The following GPHN variants were observed in gnomAD, a reference collection of about 807,000 sequenced individuals.
The protein encoded by GPHN is gephyrin.
In GPHN, 17 loss-of-function variants were observed where a neutral mutation model predicts 95.5. The observed-to-expected ratio is 0.18, with a 90% confidence interval of 0.12 to 0.27. The LOEUF (loss-of-function observed/expected upper bound fraction) is 0.27, where lower values mean the gene tolerates loss of function less well. Ranked by LOEUF, GPHN falls within the 10% of genes least tolerant of loss-of-function variation. The probability of loss-of-function intolerance (pLI) is 1.00; values close to 1 mark genes in which losing one functional copy is unlikely to be tolerated. For synonymous variants in GPHN, 320 were observed against 322.5 expected (o/e 0.99, Z 0.08); for missense variants, 660 against 978.1 (o/e 0.67, Z 4.34).
intron 1 of GPHN, among the ~76,000 whole-genome samples, chr14:66,568,136 A>G (rs553953106): frequency 2.6e-5 from 4 of 152,338 alleles, no homozygotes; most frequent in African/African-American, 9.6e-5. Flanking sequence ...GAGAATAACT[A>G]ATTTATTTTT....
chr14:67,094,247 A>G (rs2077258311), intron 12 of GPHN, among the ~76,000 whole-genome samples: 1 of 152,176 alleles, frequency 6.6e-6, no homozygotes, highest in South Asian at 2.1e-4. Context: ...ATATCAAATA[A>G]TATAACCAGA....
intron 13 of GPHN, among the ~76,000 whole-genome samples, chr14:67,102,076 G>C (rs1269611761): frequency 2.6e-5 from 4 of 151,726 alleles, no homozygotes; most frequent in African/African-American, 9.7e-5. Flanking sequence ...ATTTCACCAT[G>C]TTAGCCAGGA....
chr14:66,642,559 G>GGTT (rs2064477861), intron 1 of GPHN, among the ~76,000 whole-genome samples: 3 of 139,898 alleles, frequency 2.1e-5, no homozygotes, highest in Admixed American at 2.1e-4. Flanking sequence ...TTTGATTTTT[G>GGTT]TTTTTTTTTT....
At chr14:66,875,308 T>G (rs1323303279) in intron 4 of GPHN, among the ~76,000 whole-genome samples, 6 of 151,968 alleles carry the variant, frequency 3.9e-5, no homozygotes, top group Non-Finnish European at 8.8e-5. Flanking sequence ...AAAACATAGC[T>G]AATTGTAAAG....
chr14:66,772,078 T>G (rs1317609574), intron 2 of GPHN, among the ~76,000 whole-genome samples: 1 of 152,086 alleles, frequency 6.6e-6, no homozygotes, highest in East Asian at 1.9e-4. Context: ...AAATTCCACT[T>G]TTGTGAAACA....
intron 1 of GPHN, among the ~76,000 whole-genome samples, chr14:66,597,071 T>A (rs1595161863): frequency 6.6e-6 from 1 of 152,096 alleles, no homozygotes; most frequent in Admixed American, 6.5e-5. Flanking sequence ...ATGGGGAAAA[T>A]GGCAGTTATG....
At chr14:66,824,873 T>C (rs2061336547) in intron 4 of GPHN, among the ~76,000 whole-genome samples, 1 of 152,182 alleles carries the variant, frequency 6.6e-6, no homozygotes, top group Non-Finnish European at 1.5e-5. Context: ...AGAATTCTGA[T>C]GGTTAGCATG....
the GPHN span, among the ~76,000 whole-genome samples, chr14:67,280,456 C>T: frequency 1.3e-5 from 2 of 152,118 alleles, no homozygotes; most frequent in Non-Finnish European, 2.9e-5. Context: ...TCTGTTTAGC[C>T]TGTACTAAGT....
At chr14:67,221,983 C>A in the GPHN span, 1 of 697,492 alleles carries the variant, frequency 1.4e-6, no homozygotes, top group Non-Finnish European at 2.2e-6. Flanking sequence ...AACTCTTTCT[C>A]AAAGCCGATC....
At chr14:66,764,624 A>G (rs1417255498) in intron 2 of GPHN, among the ~76,000 whole-genome samples, 1 of 152,204 alleles carries the variant, frequency 6.6e-6, no homozygotes, top group Non-Finnish European at 1.5e-5. Flanking sequence ...GAGAAGTGGT[A>G]CAAACTTGAA....
the GPHN span, among the ~76,000 whole-genome samples, chr14:67,527,216 C>T: frequency 6.0e-3 from 908 of 152,322 alleles, 11 homozygotes; most frequent in African/African-American, 0.021. Context: ...GGGTTTGTGT[C>T]CTGGCTTGGC....
At chr14:66,941,666 T>G (rs769029191) in intron 8 of GPHN, among the ~76,000 whole-genome samples, 3 of 150,870 alleles carry the variant, frequency 2.0e-5, no homozygotes, top group Non-Finnish European at 2.9e-5. Context: ...AACACACCCT[T>G]CCAGTCAAAG....
intron 1 of GPHN, among the ~76,000 whole-genome samples, chr14:66,526,147 C>T (rs1333315546): frequency 6.6e-6 from 1 of 152,082 alleles, no homozygotes; most frequent in Admixed American, 6.6e-5. Flanking sequence ...TCATTGTGTC[C>T]TCTCTTATTT....
chr14:66,528,348 A>G (rs1041312964), intron 1 of GPHN, among the ~76,000 whole-genome samples: 10 of 152,146 alleles, frequency 6.6e-5, no homozygotes, highest in Admixed American at 5.2e-4. Flanking sequence ...TTTTTAGCCT[A>G]TGTGTGTCTT....
the GPHN span, among the ~76,000 whole-genome samples, chr14:67,552,665 G>C: frequency 6.6e-6 from 1 of 152,014 alleles, no homozygotes; most frequent in East Asian, 1.9e-4. Flanking sequence ...TACTCGGGAG[G>C]CTAAGGCAGG....
chr14:67,233,305 C>A, the GPHN span, among the ~76,000 whole-genome samples: 1 of 152,028 alleles, frequency 6.6e-6, no homozygotes, highest in African/African-American at 2.4e-5. Context: ...CCACGCCCGG[C>A]TAAATTTTGT....
At chr14:66,705,683 T>G (rs1371938032) in intron 2 of GPHN, among the ~76,000 whole-genome samples, 2 of 152,180 alleles carry the variant, frequency 1.3e-5, no homozygotes, top group African/African-American at 4.8e-5. Flanking sequence ...ATAAGAGCTA[T>G]TTATGACAGA....
intron 4 of GPHN, among the ~76,000 whole-genome samples, chr14:66,879,517 T>G (rs1476042128): frequency 6.6e-6 from 1 of 151,994 alleles, no homozygotes; most frequent in Non-Finnish European, 1.5e-5. Context: ...AGCATAGAGC[T>G]AGGAGAGATA....
chr14:67,507,723 C>T, the GPHN span, among the ~76,000 whole-genome samples: 2 of 152,212 alleles, frequency 1.3e-5, no homozygotes, highest in Admixed American at 1.3e-4. Flanking sequence ...GTGTGAGCCA[C>T]CCTGCCTGGC....
Sources: allele counts gnomAD v4.1 joint callset (sites outside exome capture counted in the v4.1 genomes callset), GRCh38; gene constraint gnomAD v4.1.1; transcripts MANE v1.5; gene names NCBI Gene and HGNC (gene_info 2026-07-23, HGNC 2026-07-21).